The following ZNF608 variants were observed in gnomAD, a reference collection of about 807,000 sequenced individuals.
ZNF608 encodes the protein zinc finger protein 608.
In ZNF608, 12 loss-of-function variants were observed where a neutral mutation model predicts 109.0. The ratio of observed to expected loss-of-function variants is 0.11; its 90% CI spans 0.07 to 0.18. The LOEUF is 0.18. Ranked by LOEUF, ZNF608 falls within the 10% of genes least tolerant of loss-of-function variation. The probability of loss-of-function intolerance (pLI) is 1.00; values close to 1 mark genes in which losing one functional copy is unlikely to be tolerated. For synonymous variants in ZNF608, 732 were observed against 717.4 expected, an observed-to-expected ratio of 1.02 and a Z score of -0.33; for missense variants, 1,707 against 1,879.3, an observed-to-expected ratio of 0.91 and a Z score of 1.70.
At chr5:124,673,779 T>A (rs1202215985) in intron 3 of ZNF608, among the ~76,000 whole-genome samples, 2 of 152,216 alleles carry the variant, frequency 1.3e-5, no homozygotes, top group African/African-American at 4.8e-5. Context: ...TATTATCAAA[T>A]GCTTATCTCT....
At chr5:124,671,394 G>GAA (rs1314001793) in intron 3 of ZNF608, among the ~76,000 whole-genome samples, 1 of 151,958 alleles carries the variant, frequency 6.6e-6, no homozygotes, top group Non-Finnish European at 1.5e-5. Flanking sequence ...CACCATATCC[G>GAA]AAAGGTCATT....
At position 124,649,163 on chromosome 5, in the gene ZNF608, G is replaced by T. The variant is rs777161968; in HGVS notation, c.1251-30C>A. On this transcript the variant is annotated intron_variant, in intron 4 of 9. Coordinates refer to ENST00000513986, the MANE Select transcript of ZNF608 (RefSeq NM_020747.3). ...GGAAGCAAGTAACAGATGTGAAAAT[G>T]AGCATCCCCAAAAGAGCCAGGTGAA... The T allele has an allele frequency of 1.8e-5, 27 of 1,516,356 alleles. No homozygotes were observed. The Middle Eastern group carries it at 5.3e-4, about 30-fold the overall frequency. 93.9% of individuals were successfully genotyped at this position (1,516,356 alleles called of 1,614,324 possible). A position where few individuals can be genotyped will look rare whatever the true frequency, so the allele number is the denominator to read the frequency against.
chr5:124,656,035 TG>T (rs904654070), intron 3 of ZNF608, among the ~76,000 whole-genome samples: 22 of 152,088 alleles, frequency 1.4e-4, no homozygotes, highest in African/African-American at 5.1e-4. Context: ...AAATGCAGTA[TG>T]TTTTTTTTTT....
chr5:124,699,489 A>G (rs901458558), intron 3 of ZNF608, among the ~76,000 whole-genome samples: 3 of 152,242 alleles, frequency 2.0e-5, no homozygotes, highest in African/African-American at 7.2e-5. Flanking sequence ...AAATTTCTAA[A>G]GCCAAAAAAG....
chr5:124,711,292 A>T (rs1189086047), intron 2 of ZNF608, among the ~76,000 whole-genome samples: 3 of 152,238 alleles, frequency 2.0e-5, no homozygotes, highest in Admixed American at 2.0e-4. Flanking sequence ...AATTTTATAC[A>T]TATAGAAACA....
chr5:124,646,612 C>T, intron 5 of ZNF608, 67 bp downstream of exon 5: 1 of 1,525,548 alleles, frequency 6.6e-7, no homozygotes, highest in Non-Finnish European at 8.8e-7. Flanking sequence ...CCAGATCAAG[C>T]CCAGACATGT....
chr5:124,640,578 C>T (rs1750194704), intron 8 of ZNF608, among the ~76,000 whole-genome samples: 1 of 152,168 alleles, frequency 6.6e-6, no homozygotes, highest in Non-Finnish European at 1.5e-5. Context: ...TTGTTTAAAG[C>T]CATGCAATCT....
intron 3 of ZNF608, among the ~76,000 whole-genome samples, chr5:124,700,049 C>T (rs564802676): frequency 4.6e-5 from 7 of 152,280 alleles, no homozygotes; most frequent in Admixed American, 3.9e-4. Context: ...CAACTGTCAT[C>T]TCCCTTATCT....
intron 3 of ZNF608, among the ~76,000 whole-genome samples, chr5:124,696,213 G>A (rs1752844975): frequency 1.3e-5 from 2 of 151,664 alleles, no homozygotes; most frequent in South Asian, 4.2e-4. Flanking sequence ...AAAAAAGAGA[G>A]AGAGAGAATC....
At chr5:124,700,968 T>C (rs774424557) in intron 3 of ZNF608, 46 bp downstream of exon 3, 18 of 1,603,864 alleles carry the variant, frequency 1.1e-5, no homozygotes, top group Middle Eastern at 3.3e-4. Flanking sequence ...AAATACATCA[T>C]GGGGAAGAGG....
Position 124,644,559 on chromosome 5 carries a change from T to A in ZNF608, c.3808A>T (p.Ser1270Cys). ...TCTTTATTAGGAGTTTTCCTCGGACTATCCTCTTTTAATTTCTTCTCTCTA... is the reference window on the plus strand; with the variant it reads ...TCTTTATTAGGAGTTTTCCTCGGACAATCCTCTTTTAATTTCTTCTCTCTA... Reference protein sequence around the residue: ...LDREKKLKEDSPRKTPNKESG... With the variant: ...LDREKKLKEDCPRKTPNKESG... Residue 1270 changes from serine to cysteine, a missense_variant, in exon 6 of 10, where the codon AGT (serine) becomes TGT (cysteine). Physicochemically the swap from Ser to Cys is moderately radical, Grantham distance 112. Transcript: ENST00000513986. 3 of 1,614,138 alleles carry A rather than the reference T, an allele frequency of 1.9e-6. No individual in the cohort carries two copies. The highest frequency in any genetic ancestry group is 2.5e-6 in the Non-Finnish European group (3 of 1,180,010).
intron 2 of ZNF608, among the ~76,000 whole-genome samples, chr5:124,733,782 G>T (rs962217514): frequency 3.3e-5 from 5 of 152,132 alleles, no homozygotes; most frequent in Admixed American, 2.6e-4. Context: ...AAGAAAGGAA[G>T]CAATACAAAG....
chr5:124,660,784 G>A (rs996619032), intron 3 of ZNF608, among the ~76,000 whole-genome samples: 1 of 152,108 alleles, frequency 6.6e-6, no homozygotes, highest in Non-Finnish European at 1.5e-5. Flanking sequence ...TATGTACTAC[G>A]GCGTCCTCAT....
chr5:124,681,314 G>A (rs915864324), intron 3 of ZNF608, among the ~76,000 whole-genome samples: 1 of 152,008 alleles, frequency 6.6e-6, no homozygotes, highest in Non-Finnish European at 1.5e-5. Flanking sequence ...AAAGTTAGCT[G>A]GGCGTGATGG....
At chr5:124,728,014 C>G (rs927893747) in intron 2 of ZNF608, among the ~76,000 whole-genome samples, 2 of 152,120 alleles carry the variant, frequency 1.3e-5, no homozygotes, top group Non-Finnish European at 2.9e-5. Flanking sequence ...CCTGGGATTA[C>G]AGGGGGTGAG....
chr5:124,650,068 A>G (rs78633923), intron 3 of ZNF608, among the ~76,000 whole-genome samples: 24,558 of 152,322 alleles, frequency 0.16, 2,341 homozygotes, highest in Middle Eastern at 0.23. Context: ...CAAGCAGCCA[A>G]TATAAACTAG....
chr5:124,646,512 G>A (rs1750514051), intron 5 of ZNF608, among the ~76,000 whole-genome samples, 167 bp downstream of exon 5: 1 of 152,128 alleles, frequency 6.6e-6, no homozygotes, highest in Admixed American at 6.5e-5. Context: ...ACATTTTAGA[G>A]CTACATAGTA....
At chr5:124,732,734 A>T (rs1046526556) in intron 2 of ZNF608, among the ~76,000 whole-genome samples, 6 of 151,966 alleles carry the variant, frequency 3.9e-5, no homozygotes, top group African/African-American at 1.2e-4. Context: ...TGCATTGTCT[A>T]GGGCCCTTGC....
At chr5:124,649,395 A>G (rs1383261242) in intron 4 of ZNF608, among the ~76,000 whole-genome samples, 3 of 152,258 alleles carry the variant, frequency 2.0e-5, no homozygotes, top group African/African-American at 7.2e-5. Flanking sequence ...AGAAAAAATG[A>G]AAACAAAGAC....
Sources: gnomAD v4.1 joint callset for allele counts (sites outside exome capture counted in the v4.1 genomes callset) on GRCh38, gnomAD v4.1.1 for gene constraint, MANE v1.5 for transcripts, NCBI Gene and HGNC (gene_info 2026-07-23, HGNC 2026-07-21) for gene names.